The following EGFR variants were observed in gnomAD, a reference collection of about 807,000 sequenced individuals.
EGFR encodes avian erythroblastic leukemia viral (v-erb-b) oncogene homolog.
Under a neutral mutation model 143.0 loss-of-function variants are expected in EGFR, and 58 were observed. That is an observed-to-expected ratio of 0.41 (90% CI 0.33 to 0.50). EGFR has a LOEUF of 0.50. Ranked by LOEUF, EGFR falls within the 20% of genes least tolerant of loss-of-function variation. The probability of loss-of-function intolerance (pLI) is 0.39; values close to 1 mark genes in which losing one functional copy is unlikely to be tolerated. For synonymous variants in EGFR, 613 were observed against 594.4 expected (o/e 1.03, Z -0.45); for missense variants, 1,307 against 1,579.0 (o/e 0.83, Z 2.92).
chr7:55,021,615 G>A (rs1786570347), intron 1 of EGFR, among the ~76,000 whole-genome samples: 1 of 152,174 alleles, frequency 6.6e-6, no homozygotes, highest in Non-Finnish European at 1.5e-5. Context: ...TATTAAAATA[G>A]GAGATGAGCT....
intron 1 of EGFR, among the ~76,000 whole-genome samples, chr7:55,139,578 T>C (rs1278723730): frequency 6.6e-6 from 1 of 152,238 alleles, no homozygotes; most frequent in Non-Finnish European, 1.5e-5. Context: ...GATACTTTAG[T>C]AATTAACCCA....
intron 1 of EGFR, among the ~76,000 whole-genome samples, chr7:55,111,352 C>T (rs1792475759): frequency 6.6e-6 from 1 of 150,984 alleles, no homozygotes; most frequent in Admixed American, 6.6e-5. Context: ...GGTTTCATCT[C>T]GCTTGCTAGA....
intron 1 of EGFR, among the ~76,000 whole-genome samples, chr7:55,066,769 C>A (rs1456624794): frequency 1.3e-5 from 2 of 152,188 alleles, no homozygotes; most frequent in South Asian, 2.1e-4. Context: ...CTGGCTGCTC[C>A]CTGAGGTCAG....
intron 1 of EGFR, among the ~76,000 whole-genome samples, chr7:55,020,076 C>T (rs1363664178): frequency 6.6e-6 from 1 of 152,214 alleles, no homozygotes; most frequent in Non-Finnish European, 1.5e-5. Context: ...CCTGCGGCTC[C>T]CGGGGAGGGG....
intron 1 of EGFR, among the ~76,000 whole-genome samples, chr7:55,131,772 G>T (rs547964005): frequency 6.6e-6 from 1 of 152,078 alleles, no homozygotes; most frequent in Non-Finnish European, 1.5e-5. Flanking sequence ...ATGCTCTGAG[G>T]TCCCTGCTGC....
At chr7:55,177,226 CG>C (rs1562787299) in intron 19 of EGFR, among the ~76,000 whole-genome samples, 2 of 152,056 alleles carry the variant, frequency 1.3e-5, no homozygotes, top group South Asian at 2.1e-4. Flanking sequence ...GCAATCCTGG[CG>C]GGCAGGGCAC....
At chr7:55,199,881 C>A (rs1439213694) in intron 23 of EGFR, among the ~76,000 whole-genome samples, 1 of 152,206 alleles carries the variant, frequency 6.6e-6, no homozygotes, top group East Asian at 1.9e-4. Flanking sequence ...CCAGTCCCAA[C>A]CCCAAATTCT....
At chr7:55,132,691 C>T (rs961850653) in intron 1 of EGFR, among the ~76,000 whole-genome samples, 1 of 152,180 alleles carries the variant, frequency 6.6e-6, no homozygotes. Flanking sequence ...GTTCCTTTAG[C>T]ACACCTCTAC....
intron 23 of EGFR, among the ~76,000 whole-genome samples, chr7:55,199,583 G>C (rs992801705): frequency 2.0e-5 from 3 of 152,222 alleles, no homozygotes; most frequent in African/African-American, 7.2e-5. Flanking sequence ...ATTTGTCTAA[G>C]GTCACATAGC....
At chr7:55,082,960 A>G (rs763644354) in intron 1 of EGFR, among the ~76,000 whole-genome samples, 5 of 151,894 alleles carry the variant, frequency 3.3e-5, no homozygotes, top group Non-Finnish European at 5.9e-5. Flanking sequence ...CTCCACCTCT[A>G]TCCTCACAGT....
chr7:55,140,446 G>C (rs189270438), intron 1 of EGFR, among the ~76,000 whole-genome samples: 1 of 152,316 alleles, frequency 6.6e-6, no homozygotes, highest in East Asian at 1.9e-4. Context: ...GCCATAGTCT[G>C]TCAGCTGGGA....
At chr7:55,132,865 A>G (rs1251771739) in intron 1 of EGFR, among the ~76,000 whole-genome samples, 1 of 152,176 alleles carries the variant, frequency 6.6e-6, no homozygotes, top group Non-Finnish European at 1.5e-5. Flanking sequence ...GAACAAAAGA[A>G]CAAGCAACTT....
chr7:55,124,450 T>C (rs1426440798), intron 1 of EGFR, among the ~76,000 whole-genome samples: 1 of 152,224 alleles, frequency 6.6e-6, no homozygotes, highest in African/African-American at 2.4e-5. Flanking sequence ...AAAATCATGG[T>C]GCTGTGTATG....
chr7:55,065,321 G>A (rs902368332), intron 1 of EGFR, among the ~76,000 whole-genome samples: 2 of 152,176 alleles, frequency 1.3e-5, no homozygotes, highest in African/African-American at 4.8e-5. Flanking sequence ...TGACTCATGC[G>A]CTGTGTGGAA....
chr7:55,138,535 A>G (rs941883069), intron 1 of EGFR, among the ~76,000 whole-genome samples: 1 of 152,144 alleles, frequency 6.6e-6, no homozygotes, highest in East Asian at 1.9e-4. Context: ...TTTAATGGCC[A>G]ACATTTGAGT....
At position 55,080,908 on chromosome 7, in the gene EGFR, T is replaced by G. The variant is rs192132311; in HGVS notation, c.89-61378T>G. Among the ~76,000 whole-genome samples, 17 of 152,296 alleles carry G rather than the reference T, an allele frequency of 1.1e-4. No homozygotes were observed. In the East Asian group the frequency reaches 3.1e-3, roughly 28 times the overall value. On this transcript the variant is annotated intron_variant, in intron 1 of 27. Transcript: ENST00000275493. ...TGTGGGATAGCCCTCCCTGTACAAC[T>G]AGGACCCAGGGGTGATCTAGTGACA...
rs540883507 is a variant in EGFR at position 55,183,575 on chromosome 7, G to A, written c.2469+2097G>A. Among the ~76,000 whole-genome samples, 431 of 152,310 alleles carry A rather than the reference G, an allele frequency of 2.8e-3. 1 individual carries two copies. Among genetic ancestry groups the A allele is most frequent in the Admixed American group, 4.9e-3 (75 of 15,306 alleles). ...GTCAGCCTGGGGCAGATGTTGCTGG[G>A]TGTGGAGCTACATCCACTCATGCCC... On this transcript the variant is annotated intron_variant, in intron 20 of 27. Transcript: ENST00000275493.
chr7:55,137,991 A>T (rs1335554792), intron 1 of EGFR, among the ~76,000 whole-genome samples: 2 of 152,230 alleles, frequency 1.3e-5, no homozygotes, highest in Non-Finnish European at 2.9e-5. Context: ...AACAATGATG[A>T]CTGCAAACTA....
intron 1 of EGFR, among the ~76,000 whole-genome samples, chr7:55,096,796 C>T (rs1205538776): frequency 1.3e-5 from 2 of 152,126 alleles, no homozygotes; most frequent in Admixed American, 6.5e-5. Flanking sequence ...GGGGCGCAGG[C>T]GCAGAGCGGT....
Sources: allele counts gnomAD v4.1 joint callset (sites outside exome capture counted in the v4.1 genomes callset), GRCh38; gene constraint gnomAD v4.1.1; transcripts MANE v1.5; gene names NCBI Gene and HGNC (gene_info 2026-07-23, HGNC 2026-07-21).